SPECC1L: variants seen among roughly 807,000 people sequenced by gnomAD.
The protein encoded by SPECC1L is cytospin-A.
SPECC1L carries 40 observed loss-of-function variants against 116.8 expected under a neutral mutation model. That is an observed-to-expected ratio of 0.34 (90% CI 0.27 to 0.45). The LOEUF is 0.45. Among genes scored for constraint, SPECC1L ranks in the 20% least tolerant of loss-of-function variants. SPECC1L has a pLI of 1.00. For synonymous variants in SPECC1L, 504 were observed against 500.6 expected (o/e 1.01, Z -0.09); for missense variants, 1,110 against 1,373.6 (o/e 0.81, Z 3.03).
intron 2 of SPECC1L, among the ~76,000 whole-genome samples, chr22:24,290,710 C>T (rs2049140932): frequency 6.6e-6 from 1 of 152,100 alleles, no homozygotes; most frequent in Non-Finnish European, 1.5e-5. Flanking sequence ...TCAGACTTTC[C>T]CTCTTAGTAG....
chr22:24,329,016 A>G, intron 7 of SPECC1L, 97 bp downstream of exon 7: 1 of 929,210 alleles, frequency 1.1e-6, no homozygotes, highest in Non-Finnish European at 1.7e-6. Flanking sequence ...TAAGTTTTGG[A>G]TACAGTGATA....
intron 2 of SPECC1L, among the ~76,000 whole-genome samples, chr22:24,298,973 A>C (rs1390166084): frequency 6.6e-6 from 1 of 152,230 alleles, no homozygotes; most frequent in African/African-American, 2.4e-5. Context: ...ATGAAGAATC[A>C]ATCACATTAT....
chr22:24,299,267 T>G lies in SPECC1L; in HGVS notation c.-37-2928T>G, dbSNP rs370469649. ...TATTTCAGGATAGTAAAGGTATATT[T>G]TCAATAGTTTTTAAAGAACGGGGGT... On this transcript the variant is annotated intron_variant, in intron 2 of 16. Transcript: ENST00000314328. Among the ~76,000 whole-genome samples the G allele has an allele frequency of 2.6e-5, 4 of 152,298 alleles. No homozygotes were observed. In the East Asian group the frequency reaches 7.7e-4, roughly 29 times the overall value.
rs555404419 is a variant in SPECC1L at position 24,349,523 on chromosome 22, C to T, written c.2743+2347C>T. Among the ~76,000 whole-genome samples, 3 of 152,314 alleles carry T rather than the reference C, an allele frequency of 2.0e-5. No individual in the cohort carries two copies. The East Asian group carries it at 5.8e-4, about 29-fold the overall frequency. ...CCTGTTCTTCTCTGGACTCTAGGTT[C>T]GTGTATACAGTTGCCTACTTGACAT... On this transcript the variant is annotated intron_variant, in intron 11 of 16. Transcript: ENST00000314328.
At chr22:24,319,229 G>A (rs2040668582) in intron 4 of SPECC1L, among the ~76,000 whole-genome samples, 1 of 152,174 alleles carries the variant, frequency 6.6e-6, no homozygotes, top group African/African-American at 2.4e-5. Context: ...TTACTCACAG[G>A]TCCACAGAGA....
intron 11 of SPECC1L, among the ~76,000 whole-genome samples, chr22:24,349,143 T>A (rs2041368008): frequency 6.6e-6 from 1 of 152,046 alleles, no homozygotes; most frequent in African/African-American, 2.4e-5. Flanking sequence ...TGGGTTTAAG[T>A]GATTCTCCTG....
At chr22:24,350,844 G>A (rs1309029858) in intron 11 of SPECC1L, among the ~76,000 whole-genome samples, 1 of 152,210 alleles carries the variant, frequency 6.6e-6, no homozygotes, top group Non-Finnish European at 1.5e-5. Flanking sequence ...GTATAACCCT[G>A]TGCCAGTACC....
chr22:24,318,114 C>T (rs1388689075), intron 4 of SPECC1L, among the ~76,000 whole-genome samples: 2 of 145,900 alleles, frequency 1.4e-5, no homozygotes, highest in African/African-American at 5.6e-5. Flanking sequence ...ACTTCCCAGA[C>T]GGGGTGGGGC....
chr22:24,278,946 C>T (rs567879977), intron 2 of SPECC1L, among the ~76,000 whole-genome samples: 6 of 152,184 alleles, frequency 3.9e-5, no homozygotes, highest in Admixed American at 3.3e-4. Flanking sequence ...ACAGTTTGTA[C>T]GTTTATAAAT....
Position 24,321,561 on chromosome 22 carries a change from C to T in SPECC1L, c.581C>T (p.Thr194Ile). 1 of 1,614,194 alleles carries T rather than the reference C, an allele frequency of 6.2e-7. No individual in the cohort carries two copies. Among genetic ancestry groups the T allele is most frequent in the Non-Finnish European group, 8.5e-7 (1 of 1,180,042 alleles). ...KVKDLLTLAKTKDVEILHLRN... is the reference protein window; with the variant it reads ...KVKDLLTLAKIKDVEILHLRN... Reference sequence around the variant, plus strand: ...AAGGATCTTCTCACGCTGGCAAAAACCAAAGACGTAGAAATTTTACATTTG... The same window carrying T: ...AAGGATCTTCTCACGCTGGCAAAAATCAAAGACGTAGAAATTTTACATTTG... Residue 194 changes from threonine to isoleucine, a missense_variant, in exon 5 of 17, where the codon ACC (threonine) becomes ATC (isoleucine). Thr to Ile is a moderately conservative substitution (Grantham distance 89). Transcript: ENST00000314328.
rs199695435 is a variant in SPECC1L at position 24,338,453 on chromosome 22, T to C, written c.2628T>C (p.Pro876=). Residue 876 remains proline (P), a synonymous_variant, in exon 10 of 17, where the codon CCT becomes CCC. Coordinates refer to ENST00000314328, the MANE Select transcript of SPECC1L (RefSeq NM_015330.6). ...PLSPSPMKTP[P]AAAVSPMQRH... is the part of the protein sequence containing the mutation. ...GCCCAAGTCCTATGAAAACCCCTCC[T>C]GCAGCAGCTGTGTCCCCTATGCAGG... The C allele has an allele frequency of 3.1e-6, 5 of 1,614,082 alleles. No individual in the cohort carries two copies. The highest frequency in any genetic ancestry group is 4.2e-6 in the Non-Finnish European group (5 of 1,179,968).
intron 14 of SPECC1L, among the ~76,000 whole-genome samples, chr22:24,372,985 A>G (rs1477143547): frequency 2.0e-5 from 3 of 152,218 alleles, no homozygotes; most frequent in Non-Finnish European, 4.4e-5. Context: ...CCAATATCAG[A>G]CAAACTGAGA....
intron 2 of SPECC1L, among the ~76,000 whole-genome samples, chr22:24,278,795 T>A (rs2048885820): frequency 6.6e-6 from 1 of 152,222 alleles, no homozygotes; most frequent in Non-Finnish European, 1.5e-5. Context: ...GAATAGGTAT[T>A]ACTATTAGTC....
intron 2 of SPECC1L, among the ~76,000 whole-genome samples, chr22:24,279,158 G>A (rs1475368721): frequency 2.0e-5 from 3 of 152,132 alleles, no homozygotes; most frequent in Non-Finnish European, 2.9e-5. Flanking sequence ...ATTAATTATT[G>A]AGATTGTGCC....
chr22:24,271,162 C>A (rs1015973309), intron 1 of SPECC1L, among the ~76,000 whole-genome samples, 179 bp downstream of exon 1: 3 of 152,260 alleles, frequency 2.0e-5, no homozygotes, highest in Non-Finnish European at 4.4e-5. Flanking sequence ...CTTCCCGCGC[C>A]GTCCTCGTTC....
chr22:24,326,651 A>T (rs962829237), intron 6 of SPECC1L, among the ~76,000 whole-genome samples: 1 of 152,220 alleles, frequency 6.6e-6, no homozygotes, highest in Non-Finnish European at 1.5e-5. Flanking sequence ...GATGAAGATT[A>T]TATCTTTCCT....
chr22:24,331,544 T>C (rs571204646), intron 8 of SPECC1L, among the ~76,000 whole-genome samples: 1 of 152,332 alleles, frequency 6.6e-6, no homozygotes, highest in African/African-American at 2.4e-5. Context: ...TCTCAAAAAT[T>C]CATAAGACTT....
intron 14 of SPECC1L, among the ~76,000 whole-genome samples, chr22:24,371,847 AAGT>A (rs925829845): frequency 2.5e-4 from 38 of 152,276 alleles, no homozygotes; most frequent in African/African-American, 8.7e-4. Context: ...TCAGCCTCTC[AAGT>A]AGCTGGGATT....
chr22:24,389,095 C>T (rs2146724881), intron 14 of SPECC1L, among the ~76,000 whole-genome samples: 1 of 150,206 alleles, frequency 6.7e-6, no homozygotes, highest in East Asian at 1.9e-4. Context: ...GTACTTCACT[C>T]CTTTCTATAA....
Sources: allele counts gnomAD v4.1 joint callset (sites outside exome capture counted in the v4.1 genomes callset), GRCh38; gene constraint gnomAD v4.1.1; transcripts MANE v1.5; gene names NCBI Gene and HGNC (gene_info 2026-07-23, HGNC 2026-07-21).